Variants in FMN1 observed in about 807,000 individuals in gnomAD.
The protein encoded by FMN1 is formin-1.
In FMN1, 110 loss-of-function variants were observed where a neutral mutation model predicts 132.4. The ratio of observed to expected loss-of-function variants is 0.83; its 90% CI spans 0.71 to 0.97. FMN1 has a LOEUF of 0.97. Ranked by LOEUF, FMN1 falls within the 50% of genes least tolerant of loss-of-function variation. The pLI is 0.00. For synonymous variants in FMN1, 722 were observed against 651.7 expected, an observed-to-expected ratio of 1.11 and a Z score of -1.64; for missense variants, 1,792 against 1,705.3, an observed-to-expected ratio of 1.05 and a Z score of -0.90.
intron 5 of FMN1, among the ~76,000 whole-genome samples, chr15:33,084,292 CA>C (rs2038605594): frequency 6.6e-6 from 1 of 152,188 alleles, no homozygotes; most frequent in African/African-American, 2.4e-5. Context: ...TATCTGGTAA[CA>C]GTAATAGTCA....
chr15:32,998,755 G>A lies in FMN1; in HGVS notation c.2223+9259C>T, dbSNP rs377517593. On this transcript the variant is annotated intron_variant, in intron 7 of 20. Transcript: ENST00000616417. ...CCACCTGTATTGACTCATGTTCAGGGGTTAAGACTCAGCAGAAATGATTGA... is the reference window on the plus strand; with the variant it reads ...CCACCTGTATTGACTCATGTTCAGGAGTTAAGACTCAGCAGAAATGATTGA... Among the ~76,000 whole-genome samples, 156 of 152,238 alleles carry A rather than the reference G, an allele frequency of 1.0e-3. 1 individual carries two copies. Among genetic ancestry groups the A allele is most frequent in the African/African-American group, 3.7e-3 (153 of 41,546 alleles).
At chr15:33,048,631 C>CAAAAAAAAAAAA (rs768997793) in intron 6 of FMN1, among the ~76,000 whole-genome samples, 2 of 43,438 alleles carry the variant, frequency 4.6e-5, no homozygotes, top group African/African-American at 7.6e-5. Flanking sequence ...GGCAATTTAC[C>CAAAAAAAAAAAA]AAAAAAAAAA....
At position 32,850,985 on chromosome 15, in the gene FMN1, G is replaced by A. The variant is rs565862071; in HGVS notation, c.3928+6030C>T. 2.4e-4 allele frequency among the ~76,000 whole-genome samples: 36 copies of A among 152,150 alleles called. 1 individual carries two copies. The South Asian group carries it at 6.0e-3, about 25-fold the overall frequency. ...AGGCAGGAGAATGGCGTGAACCCGGGAGGCAGAGCTTGCAGTGAGCCAAGA... is the reference window on the plus strand; with the variant it reads ...AGGCAGGAGAATGGCGTGAACCCGGAAGGCAGAGCTTGCAGTGAGCCAAGA... On this transcript the variant is annotated intron_variant, in intron 17 of 20. Coordinates refer to ENST00000616417, the MANE Select transcript of FMN1 (RefSeq NM_001277313.2).
At chr15:33,043,479 C>G (rs769850293) in intron 6 of FMN1, among the ~76,000 whole-genome samples, 2 of 152,214 alleles carry the variant, frequency 1.3e-5, no homozygotes, top group Non-Finnish European at 1.5e-5. Flanking sequence ...TCTTGTTCCA[C>G]CATGTGGCTG....
At chr15:32,990,355 G>A (rs1340371900) in intron 7 of FMN1, among the ~76,000 whole-genome samples, 1 of 152,160 alleles carries the variant, frequency 6.6e-6, no homozygotes, top group Non-Finnish European at 1.5e-5. Context: ...CCCAGATGTT[G>A]AGGGAGGAGT....
chr15:32,817,383 C>G (rs2058088275), intron 17 of FMN1, among the ~76,000 whole-genome samples: 1 of 152,214 alleles, frequency 6.6e-6, no homozygotes. Context: ...CTTACAACAT[C>G]AAATTACTTT....
chr15:32,966,643 G>A (rs982581403), intron 8 of FMN1, among the ~76,000 whole-genome samples: 2 of 152,138 alleles, frequency 1.3e-5, no homozygotes, highest in Non-Finnish European at 2.9e-5. Context: ...AAAAAAATCA[G>A]TTCATACCAG....
At chr15:33,109,062 C>A (rs1211913520) in intron 4 of FMN1, among the ~76,000 whole-genome samples, 3 of 151,380 alleles carry the variant, frequency 2.0e-5, no homozygotes, top group Non-Finnish European at 4.4e-5. Context: ...CATAACTTTA[C>A]CATTTATAAC....
At chr15:33,117,649 G>C (rs559859601) in intron 4 of FMN1, among the ~76,000 whole-genome samples, 21 of 152,236 alleles carry the variant, frequency 1.4e-4, no homozygotes, top group Admixed American at 5.9e-4. Flanking sequence ...GTTTTGCAGT[G>C]ATTCCAATAA....
intron 5 of FMN1, chr15:33,067,371 C>T: frequency 1.2e-6 from 2 of 1,613,966 alleles, no homozygotes; most frequent in African/African-American, 2.7e-5. Flanking sequence ...TCAGATAAAA[C>T]ACCACTAGGG....
chr15:32,806,980 T>A (rs1004716325), intron 17 of FMN1, among the ~76,000 whole-genome samples: 1 of 152,206 alleles, frequency 6.6e-6, no homozygotes, highest in Non-Finnish European at 1.5e-5. Context: ...ATGCAACAAC[T>A]GAATGTAAGC....
intron 4 of FMN1, among the ~76,000 whole-genome samples, chr15:33,128,794 C>G (rs139508608): frequency 6.6e-6 from 1 of 152,226 alleles, no homozygotes; most frequent in African/African-American, 2.4e-5. Flanking sequence ...TGAGCAGCAG[C>G]AAGATTTACT....
chr15:33,150,019 T>C, intron 4 of FMN1: 4 of 985,426 alleles, frequency 4.1e-6, no homozygotes, highest in Non-Finnish European at 4.8e-6. Flanking sequence ...CAGTTCTCAA[T>C]ATCAGGAAGA....
At position 32,908,594 on chromosome 15, in the gene FMN1, A is replaced by G; in HGVS notation, c.3289-16T>C. ...CTTGGGCTCTCTGTATCAAAATAGA[A>G]AACAAAACCAAAAAAAAAAAAAAAA... On this transcript the variant is annotated splice_polypyrimidine_tract_variant and intron_variant, in intron 11 of 20. Transcript: ENST00000616417. The G allele has an allele frequency of 7.0e-7, 1 of 1,425,352 alleles. No homozygotes were observed. The highest frequency in any genetic ancestry group is 9.6e-7 in the Non-Finnish European group (1 of 1,041,966). 88.3% of individuals were successfully genotyped at this position (1,425,352 alleles called of 1,614,324 possible).
intron 12 of FMN1, among the ~76,000 whole-genome samples, chr15:32,903,929 G>A (rs536885446): frequency 5.9e-5 from 9 of 152,008 alleles, no homozygotes; most frequent in Middle Eastern, 3.4e-3. Flanking sequence ...CATACGAAGA[G>A]TTGGAGGGGG....
intron 5 of FMN1, among the ~76,000 whole-genome samples, chr15:33,076,559 T>C (rs2038217658): frequency 6.6e-6 from 1 of 152,158 alleles, no homozygotes. Context: ...GGGAGGAGCA[T>C]GCATGCTGTT....
At chr15:32,896,654 C>T (rs1158094469) in intron 15 of FMN1, among the ~76,000 whole-genome samples, 1 of 152,124 alleles carries the variant, frequency 6.6e-6, no homozygotes, top group African/African-American at 2.4e-5. Flanking sequence ...TAAGTGGAAT[C>T]ATGCAGTATT....
intron 9 of FMN1, among the ~76,000 whole-genome samples, chr15:32,950,024 T>TATATACACATACAC (rs1555503214): frequency 0.03 from 318 of 10,506 alleles, 125 homozygotes; most frequent in East Asian, 0.063. Context: ...TACACATATA[T>TATATACACATACAC]ATATATATAC....
intron 20 of FMN1, among the ~76,000 whole-genome samples, chr15:32,776,604 A>G (rs1475082022): frequency 1.3e-5 from 2 of 152,122 alleles, no homozygotes; most frequent in Non-Finnish European, 2.9e-5. Flanking sequence ...GTAAGTGACT[A>G]AATTTGGTTT....
Sources: allele counts gnomAD v4.1 joint callset (sites outside exome capture counted in the v4.1 genomes callset), GRCh38; gene constraint gnomAD v4.1.1; transcripts MANE v1.5; gene names NCBI Gene and HGNC (gene_info 2026-07-23, HGNC 2026-07-21).